BTC: variants seen among roughly 807,000 people sequenced by gnomAD.
BTC encodes the protein probetacellulin.
A neutral mutation model predicts 18.1 loss-of-function variants in BTC; 13 were observed. The ratio of observed to expected loss-of-function variants is 0.72; its 90% CI spans 0.47 to 1.14. BTC has a LOEUF of 1.14. Among genes scored for constraint, BTC ranks in the 50% most tolerant of loss-of-function variants. The pLI is 0.00. For missense variants in BTC, 247 were observed against 224.2 expected (o/e 1.10, Z -0.65); for synonymous variants, 83 against 79.4 (o/e 1.05, Z -0.24).
Position 74,770,254 on chromosome 4 carries a change from A to G in BTC, c.65-98T>C. On this transcript the variant is annotated intron_variant, in intron 1 of 5. Transcript: ENST00000395743. Reference sequence around the variant, plus strand: ...ACCCATTTCACCCATTTATGAAAATAACAAGACTATGGTTTCCATTTCCAA... The same window carrying G: ...ACCCATTTCACCCATTTATGAAAATGACAAGACTATGGTTTCCATTTCCAA... The G allele has an allele frequency of 1.2e-5, 11 of 954,148 alleles. No homozygotes were observed. In the South Asian group the frequency reaches 1.6e-4, roughly 14 times the overall value. The allele number at this position is 954,148 out of a possible 1,614,324, so 59.1% of individuals were successfully genotyped here. A position where few individuals can be genotyped will look rare whatever the true frequency, so the allele number is the denominator to read the frequency against.
At chr4:74,774,873 G>A (rs951261092) in intron 1 of BTC, among the ~76,000 whole-genome samples, 7 of 152,068 alleles carry the variant, frequency 4.6e-5, no homozygotes, top group Admixed American at 4.6e-4. Flanking sequence ...ATATCAGCAT[G>A]GGTGATTCAG....
rs533751937 is a variant in BTC, at chr4:74,770,248, G to A, written c.65-92C>T. 29 of 1,009,326 alleles carry A rather than the reference G, an allele frequency of 2.9e-5. No homozygotes were observed. In the Admixed American group the frequency reaches 5.4e-4, roughly 19 times the overall value. 62.5% of individuals were successfully genotyped at this position (1,009,326 alleles called of 1,614,324 possible). ...GTCATCACCCATTTCACCCATTTATGAAAATAACAAGACTATGGTTTCCAT... is the reference window on the plus strand; with the variant it reads ...GTCATCACCCATTTCACCCATTTATAAAAATAACAAGACTATGGTTTCCAT... On this transcript the variant is annotated intron_variant, in intron 1 of 5. Transcript: ENST00000395743.
intron 1 of BTC, among the ~76,000 whole-genome samples, chr4:74,771,948 C>T (rs1345683213): frequency 6.6e-6 from 1 of 152,122 alleles, no homozygotes; most frequent in Non-Finnish European, 1.5e-5. Context: ...TGAATGAATT[C>T]ATGCAATAAA....
chr4:74,759,144 C>G (rs936189299), intron 2 of BTC, among the ~76,000 whole-genome samples: 7 of 152,220 alleles, frequency 4.6e-5, no homozygotes, highest in Non-Finnish European at 8.8e-5. Context: ...TTCTGCCCAT[C>G]ATGAGACCTG....
chr4:74,752,410 C>A (rs997211606), intron 3 of BTC, among the ~76,000 whole-genome samples: 2 of 137,554 alleles, frequency 1.5e-5, no homozygotes, highest in African/African-American at 2.7e-5. Flanking sequence ...GACGGTGTCT[C>A]GCTCTGTAGC....
chr4:74,775,976 C>A (rs554612076), intron 1 of BTC, among the ~76,000 whole-genome samples: 1 of 152,292 alleles, frequency 6.6e-6, no homozygotes, highest in Non-Finnish European at 1.5e-5. Context: ...CAGGGTCTGG[C>A]AAAGACAGAA....
Position 74,756,040 on chromosome 4 carries a change from A to G in BTC, c.164-64T>C. On this transcript the variant is annotated intron_variant, in intron 2 of 5. Transcript: ENST00000395743. The stretch of plus-strand genomic sequence containing the variant: ...TAAATATTCACTTGTAAATAGAATC[A>G]TATTCTTATCTTGCTGCCAGTTTCT... 2.3e-6 allele frequency: 3 copies of G among 1,326,864 alleles called. No homozygotes were observed. In the Admixed American group the frequency reaches 5.1e-5, roughly 22 times the overall value. 82.2% of individuals were successfully genotyped at this position (1,326,864 alleles called of 1,614,324 possible).
At chr4:74,794,129 G>A (rs1725707316) in intron 1 of BTC, 133 bp downstream of exon 1, 3 of 1,183,534 alleles carry the variant, frequency 2.5e-6, no homozygotes, top group Non-Finnish European at 3.6e-6. Context: ...AGCCTTCAAA[G>A]TTCTCCAACC....
At chr4:74,783,645 T>C (rs111275076) in intron 1 of BTC, among the ~76,000 whole-genome samples, 36,730 of 145,676 alleles carry the variant, frequency 0.25, 6,959 homozygotes, top group African/African-American at 0.54. Context: ...TTTTCTAATT[T>C]TGTGAAGAAT....
chr4:74,790,346 T>G (rs570887713), intron 1 of BTC, among the ~76,000 whole-genome samples: 27 of 152,306 alleles, frequency 1.8e-4, no homozygotes, highest in African/African-American at 6.5e-4. Context: ...ATTCACGTAA[T>G]TGCATTGGTC....
At chr4:74,780,997 A>G (rs993740912) in intron 1 of BTC, among the ~76,000 whole-genome samples, 1 of 151,946 alleles carries the variant, frequency 6.6e-6, no homozygotes, top group Non-Finnish European at 1.5e-5. Context: ...TTCAACCTCA[A>G]AAACCTTGCC....
At chr4:74,783,257 A>G (rs942388629) in intron 1 of BTC, among the ~76,000 whole-genome samples, 2 of 152,172 alleles carry the variant, frequency 1.3e-5, no homozygotes, top group Non-Finnish European at 2.9e-5. Flanking sequence ...TATTTCATCC[A>G]TCTTGAGTTA....
chr4:74,793,053 G>C (rs1725676166), intron 1 of BTC, among the ~76,000 whole-genome samples: 1 of 152,192 alleles, frequency 6.6e-6, no homozygotes, highest in African/African-American at 2.4e-5. Context: ...ACACGGTGGA[G>C]GAAGAGAATG....
intron 2 of BTC, among the ~76,000 whole-genome samples, chr4:74,762,978 G>T (rs1184057469): frequency 6.6e-6 from 1 of 152,030 alleles, no homozygotes; most frequent in African/African-American, 2.4e-5. Context: ...TTTCTAATAG[G>T]CTACTAGGAG....
In BTC at chr4:74,770,690, G is replaced by A. The variant is rs532594138; in HGVS notation, c.65-534C>T. Among the ~76,000 whole-genome samples the A allele has an allele frequency of 7.9e-5, 12 of 152,134 alleles. No homozygotes were observed. In the South Asian group the frequency reaches 2.5e-3, roughly 32 times the overall value. On this transcript the variant is annotated intron_variant, in intron 1 of 5. Transcript: ENST00000395743. ...GAAGGACGGGCCACATGTTTTACGA[G>A]GGAGAGAAGAATGCCATGCTGTGGT... is the stretch of plus-strand genomic sequence containing the variant.
intron 1 of BTC, among the ~76,000 whole-genome samples, chr4:74,775,608 G>A (rs768988571): frequency 4.6e-5 from 7 of 152,030 alleles, no homozygotes; most frequent in South Asian, 4.2e-4. Context: ...AATCTCTTCC[G>A]AAATATGCCA....
chr4:74,794,401 G>A lies in BTC; in HGVS notation c.-76C>T. ...TTCGCCCCCTTCCCGGGCCTCGGGCGCCTGAGAGGGTGCCTGGAAACTAAT... is the reference window on the plus strand; with the variant it reads ...TTCGCCCCCTTCCCGGGCCTCGGGCACCTGAGAGGGTGCCTGGAAACTAAT... On this transcript the variant is annotated 5_prime_UTR_variant, in exon 1 of 6. Coordinates refer to ENST00000395743, the MANE Select transcript of BTC (RefSeq NM_001729.4). 2 of 1,398,094 alleles carry A rather than the reference G, an allele frequency of 1.4e-6. No homozygotes were observed. The highest frequency in any genetic ancestry group is 1.9e-6 in the Non-Finnish European group (2 of 1,063,784). 86.6% of individuals were successfully genotyped at this position (1,398,094 alleles called of 1,614,324 possible).
intron 1 of BTC, among the ~76,000 whole-genome samples, chr4:74,775,457 G>T (rs1725151635): frequency 6.6e-6 from 1 of 152,036 alleles, no homozygotes; most frequent in Non-Finnish European, 1.5e-5. Flanking sequence ...CACTCAAAAA[G>T]ATCATAGGTT....
At chr4:74,785,934 C>G (rs190121285) in intron 1 of BTC, among the ~76,000 whole-genome samples, 2 of 152,240 alleles carry the variant, frequency 1.3e-5, no homozygotes, top group Admixed American at 1.3e-4. Flanking sequence ...TTATTATGCT[C>G]TTAGAACAGT....
Sources: gnomAD v4.1 joint callset for allele counts (sites outside exome capture counted in the v4.1 genomes callset) on GRCh38, gnomAD v4.1.1 for gene constraint, MANE v1.5 for transcripts, NCBI Gene and HGNC (gene_info 2026-07-23, HGNC 2026-07-21) for gene names.